DYNC1H1: variants seen among roughly 807,000 people sequenced by gnomAD.
DYNC1H1 encodes the protein dynein cytoplasmic 1 heavy chain 1, also known as cytoplasmic dynein 1 heavy chain 1.
A neutral mutation model predicts 527.1 loss-of-function variants in DYNC1H1; 51 were observed. The observed-to-expected ratio is 0.10, with a 90% confidence interval of 0.08 to 0.12. The LOEUF (loss-of-function observed/expected upper bound fraction) is 0.12, where lower values mean the gene tolerates loss of function less well. DYNC1H1 is among the 10% of genes least tolerant of loss of function. The pLI, the probability that DYNC1H1 is intolerant of heterozygous loss-of-function variation, is 1.00. For synonymous variants in DYNC1H1, 2,189 were observed against 2,278.8 expected (o/e 0.96, Z 1.12); for missense variants, 2,771 against 5,971.8 (o/e 0.46, Z 17.66).
At position 102,044,715 on chromosome 14, in the gene DYNC1H1, C is replaced by T. The variant is rs2048694171; in HGVS notation, c.13006+17C>T. 12 of 1,612,690 alleles carry T rather than the reference C, an allele frequency of 7.4e-6. No individual in the cohort carries two copies. The highest frequency in any genetic ancestry group is 2.2e-5 in the East Asian group (1 of 44,818). On this transcript the variant is annotated intron_variant, in intron 72 of 77. Coordinates refer to ENST00000360184, the MANE Select transcript of DYNC1H1 (RefSeq NM_001376.5). This position sits in a 1 kb window ranked among gnomAD's most constrained non-coding sequence, Gnocchi z 7.1. ...CCACACAGGGTAGGCAACAAGGATC[C>T]TCCCCACACGCAGGGTGGGTGGCGA... is the stretch of plus-strand genomic sequence containing the variant.
At chr14:101,995,597 T>C (rs1209168924) in intron 15 of DYNC1H1, among the ~76,000 whole-genome samples, 2 of 139,414 alleles carry the variant, frequency 1.4e-5, no homozygotes, top group African/African-American at 5.4e-5. Flanking sequence ...GGCAACAGAG[T>C]GAGACTCCGT....
intron 29 of DYNC1H1, 130 bp downstream of exon 29, chr14:102,008,467 G>A: frequency 8.6e-6 from 11 of 1,276,882 alleles, no homozygotes; most frequent in Non-Finnish European, 1.2e-5. Context: ...TACAGGCAGT[G>A]TAGTGAGCTG....
chr14:102,040,787 C>A, intron 64 of DYNC1H1, 114 bp downstream of exon 64: 1 of 1,251,564 alleles, frequency 8.0e-7, no homozygotes. Context: ...TAGTAAGGCC[C>A]CATCTCTACA....
In DYNC1H1 at chr14:102,018,322, A is replaced by G. The variant is rs918686294; in HGVS notation, c.8178-129A>G. ...TGTGATCTCAGCTAACACTGATGTC[A>G]AGTCTGCATAGCTGGGTTAGGAAGC... On this transcript the variant is annotated intron_variant, in intron 40 of 77. Transcript: ENST00000360184. The surrounding 1 kb of genome is among the most constrained non-coding windows in gnomAD (Gnocchi z 5.2). 20 of 1,310,150 alleles carry G rather than the reference A, an allele frequency of 1.5e-5. No homozygotes were observed. The highest frequency in any genetic ancestry group is 2.2e-4 in the Middle Eastern group (1 of 4,636). The allele number at this position is 1,310,150 out of a possible 1,614,324, so 81.2% of individuals were successfully genotyped here. A position where few individuals can be genotyped will look rare whatever the true frequency, so the allele number is the denominator to read the frequency against.
At chr14:101,982,436 C>G (rs1595598857) in intron 5 of DYNC1H1, among the ~76,000 whole-genome samples, 1 of 151,808 alleles carries the variant, frequency 6.6e-6, no homozygotes, top group African/African-American at 2.4e-5. Context: ...TGTAAAAATA[C>G]AAAAAATTAG....
rs2047653820 is a variant in DYNC1H1 at position 101,965,328 on chromosome 14, G to A, written c.256+381G>A. ...AGTTGGGTGGAGACAGCGTCTCCCT[G>A]GGCTGAGAGCGGGCGAGGCCGCATC... On this transcript the variant is annotated intron_variant, in intron 1 of 77. Coordinates refer to ENST00000360184, the MANE Select transcript of DYNC1H1 (RefSeq NM_001376.5). The surrounding 1 kb of genome is among the most constrained non-coding windows in gnomAD (Gnocchi z 4.1). Among the ~76,000 whole-genome samples the A allele has an allele frequency of 6.6e-6, 1 of 152,232 alleles. No homozygotes were observed.
At chr14:101,989,770 A>G (rs2047975838) in intron 10 of DYNC1H1, among the ~76,000 whole-genome samples, 1 of 152,218 alleles carries the variant, frequency 6.6e-6, no homozygotes, top group Non-Finnish European at 1.5e-5. Context: ...TACTTTTTAA[A>G]ATACCAAGTC....
chr14:102,012,255 A>G lies in DYNC1H1; in HGVS notation c.6858-59A>G. 5.6e-6 allele frequency: 9 copies of G among 1,613,764 alleles called. No homozygotes were observed. Among genetic ancestry groups the G allele is most frequent in the Admixed American group, 1.7e-5 (1 of 60,030 alleles). ...ATTTCAGAAACCATCATCGGTAAAC[A>G]TGCCTAATGTTAAAATCTTGATTTA... On this transcript the variant is annotated intron_variant, in intron 33 of 77. Coordinates refer to ENST00000360184, the MANE Select transcript of DYNC1H1 (RefSeq NM_001376.5). This position sits in a 1 kb window ranked among gnomAD's most constrained non-coding sequence, Gnocchi z 4.9.
At position 102,049,908 on chromosome 14, in the gene DYNC1H1, T is replaced by A. The variant is rs765305941; in HGVS notation, c.13684+26T>A. ...GTGAGTGGAGTCTCACAGAAAATACTGGCTCTTTGCAGGTGACCTCGGTGG... is the reference window on the plus strand; with the variant it reads ...GTGAGTGGAGTCTCACAGAAAATACAGGCTCTTTGCAGGTGACCTCGGTGG... On this transcript the variant is annotated intron_variant, in intron 76 of 77. Transcript: ENST00000360184. This position sits in a 1 kb window ranked among gnomAD's most constrained non-coding sequence, Gnocchi z 5.5. 6.3e-7 allele frequency: 1 copy of A among 1,578,394 alleles called. No homozygotes were observed. Among genetic ancestry groups the A allele is most frequent in the South Asian group, 1.1e-5 (1 of 90,602 alleles).
intron 11 of DYNC1H1, among the ~76,000 whole-genome samples, chr14:101,993,450 T>A (rs1030967509): frequency 6.6e-6 from 1 of 152,196 alleles, no homozygotes; most frequent in Admixed American, 6.5e-5. Flanking sequence ...CCCAGTGGCT[T>A]GCTGGGCCCG....
Position 102,044,638 on chromosome 14 carries a change from C to G in DYNC1H1, c.12946C>G (p.Gln4316Glu). 6.2e-7 allele frequency: 1 copy of G among 1,614,202 alleles called. No individual in the cohort carries two copies. Among genetic ancestry groups the G allele is most frequent in the Non-Finnish European group, 8.5e-7 (1 of 1,180,044 alleles). ...VQWVELLPDT[Q>E]TPSWLGLPNN... ...GTGGGTGGAGTTGCTCCCCGACACC[C>G]AGACGCCCTCCTGGCTGGGCCTGCC... The change falls in exon 72 of 78, where the codon CAG becomes GAG. Residue 4316 changes from glutamine (Q) to glutamate (E), a missense_variant. Transcript: ENST00000360184. The surrounding 1 kb of genome is among the most constrained non-coding windows in gnomAD (Gnocchi z 7.1).
Position 102,011,775 on chromosome 14 carries a change from A to G in DYNC1H1, c.6619-100A>G. 1 of 1,322,426 alleles carries G rather than the reference A, an allele frequency of 7.6e-7. No homozygotes were observed. Among genetic ancestry groups the G allele is most frequent in the Non-Finnish European group, 1.1e-6 (1 of 926,486 alleles). 81.9% of individuals were successfully genotyped at this position (1,322,426 alleles called of 1,614,324 possible). A position where few individuals can be genotyped will look rare whatever the true frequency, so the allele number is the denominator to read the frequency against. ...TCAGGAAAAAAAAAAAAATCCACAC[A>G]TAATGTTTCTTGCTCACTTTCACAA... On this transcript the variant is annotated intron_variant, in intron 32 of 77. Coordinates refer to ENST00000360184, the MANE Select transcript of DYNC1H1 (RefSeq NM_001376.5). This position sits in a 1 kb window ranked among gnomAD's most constrained non-coding sequence, Gnocchi z 5.3.
chr14:101,999,777 T>A lies in DYNC1H1; in HGVS notation c.3805-212T>A, dbSNP rs538927600. Among the ~76,000 whole-genome samples the A allele has an allele frequency of 2.6e-5, 4 of 152,346 alleles. 1 individual carries two copies. The highest frequency in any genetic ancestry group is 9.6e-5 in the African/African-American group (4 of 41,588). ...ATCAAGAGATGCTCCACCATTCTAT[T>A]TTATTTATGTAAAATGTTCATGTAA... is the stretch of plus-strand genomic sequence containing the variant. On this transcript the variant is annotated intron_variant, in intron 16 of 77. Transcript: ENST00000360184.
rs2048679514 is a variant in DYNC1H1, at chr14:102,043,625, C to T, written c.12514-250C>T. On this transcript the variant is annotated intron_variant, in intron 69 of 77. Transcript: ENST00000360184. Reference sequence around the variant, plus strand: ...TTTGTGCCACATTCACGTTTTCTGACATTCTTAGAAACTCTGTCTTCTCTA... The same window carrying T: ...TTTGTGCCACATTCACGTTTTCTGATATTCTTAGAAACTCTGTCTTCTCTA... 7.2e-6 allele frequency: 4 copies of T among 554,672 alleles called. 1 individual carries two copies. In the South Asian group the frequency reaches 8.1e-5, roughly 11 times the overall value. The allele number at this position is 554,672 out of a possible 1,614,324, so 34.4% of individuals were successfully genotyped here.
Position 102,016,001 on chromosome 14 carries a change from A to G in DYNC1H1, c.7388A>G (p.His2463Arg). The change falls in exon 36 of 78, where the codon CAC becomes CGC. Residue 2463 changes from histidine to arginine, a missense_variant. This residue lies in a region of DYNC1H1 where 122 missense variants were observed against 168.4 expected (regional missense o/e 0.72). Coordinates refer to ENST00000360184, the MANE Select transcript of DYNC1H1 (RefSeq NM_001376.5). The surrounding 1 kb of genome is among the most constrained non-coding windows in gnomAD (Gnocchi z 7.3). ...RCLGSLFSML[H>R]QACRNVAQYN... ...CTGGGCTCGCTCTTCTCCATGCTGC[A>G]CCAGGCCTGCCGCAACGTGGCGCAG... 6.2e-7 allele frequency: 1 copy of G among 1,613,356 alleles called. No individual in the cohort carries two copies. The highest frequency in any genetic ancestry group is 8.5e-7 in the Non-Finnish European group (1 of 1,179,884).
rs916681681 is a variant in DYNC1H1 at position 102,036,831 on chromosome 14, C to T, written c.10908+189C>T. 17 of 745,732 alleles carry T rather than the reference C, an allele frequency of 2.3e-5. No individual in the cohort carries two copies. Among genetic ancestry groups the T allele is most frequent in the African/African-American group, 3.5e-5 (2 of 56,846 alleles). 46.2% of individuals were successfully genotyped at this position (745,732 alleles called of 1,614,324 possible). ...TTTAAAATTCTATTCAGTGGTCGGGCGAGGTGGCTCACACCTGTAATCTCA... is the reference window on the plus strand; with the variant it reads ...TTTAAAATTCTATTCAGTGGTCGGGTGAGGTGGCTCACACCTGTAATCTCA... On this transcript the variant is annotated intron_variant, in intron 57 of 77. Transcript: ENST00000360184. The surrounding 1 kb of genome is among the most constrained non-coding windows in gnomAD (Gnocchi z 5.6).
At chr14:102,004,073 C>A (rs2048166902) in intron 23 of DYNC1H1, among the ~76,000 whole-genome samples, 2 of 151,240 alleles carry the variant, frequency 1.3e-5, no homozygotes, top group Non-Finnish European at 2.9e-5. Context: ...AACCCCGTCT[C>A]TACTAAAAAT....
chr14:102,030,563 G>A (rs1490726268), intron 51 of DYNC1H1: 1 of 411,104 alleles, frequency 2.4e-6, no homozygotes, highest in African/African-American at 2.0e-5. Flanking sequence ...CGTTTTTAGA[G>A]ATCTGTTGAT....
Position 102,040,226 on chromosome 14 carries a change from C to T in DYNC1H1, c.11691-10C>T, listed in dbSNP as rs771362494. ...GAGAGACCCTAGCTAACCTGTTGCACCCTTCGCAGGGAGCCCACCTACGAT... is the reference window on the plus strand; with the variant it reads ...GAGAGACCCTAGCTAACCTGTTGCATCCTTCGCAGGGAGCCCACCTACGAT... On this transcript the variant is annotated splice_polypyrimidine_tract_variant and intron_variant, in intron 62 of 77. Coordinates refer to ENST00000360184, the MANE Select transcript of DYNC1H1 (RefSeq NM_001376.5). 13 of 1,613,978 alleles carry T rather than the reference C, an allele frequency of 8.1e-6. No homozygotes were observed. Among genetic ancestry groups the T allele is most frequent in the Non-Finnish European group, 1.1e-5 (13 of 1,180,038 alleles).
Sources: allele counts gnomAD v4.1 joint callset (sites outside exome capture counted in the v4.1 genomes callset), GRCh38; gene constraint gnomAD v4.1.1; regional missense constraint gnomAD v4.1.1; non-coding constraint Gnocchi (gnomAD v3.1); transcripts MANE v1.5; gene names NCBI Gene and HGNC (gene_info 2026-07-23, HGNC 2026-07-21).